Variants in AMOTL1 observed in about 807,000 individuals in gnomAD.
AMOTL1 encodes the protein angiomotin like 1, also known as angiomotin-like protein 1.
A neutral mutation model predicts 102.9 loss-of-function variants in AMOTL1; 45 were observed. The ratio of observed to expected loss-of-function variants is 0.44; its 90% CI spans 0.34 to 0.56. The LOEUF is 0.56. Among genes scored for constraint, AMOTL1 ranks in the 20% least tolerant of loss-of-function variants. The pLI, the probability that AMOTL1 is intolerant of heterozygous loss-of-function variation, is 0.01. For missense variants in AMOTL1, 1,114 were observed against 1,225.6 expected, an observed-to-expected ratio of 0.91 and a Z score of 1.36; for synonymous variants, 481 against 484.7, an observed-to-expected ratio of 0.99 and a Z score of 0.10.
In AMOTL1 at chr11:94,782,091, G is replaced by GA. The variant is rs552987068; in HGVS notation, c.50-12914dup. On this transcript the variant is annotated intron_variant, in intron 1 of 12. Transcript: ENST00000433060. ...ACATGAAGTGCTTCCGCTGCAAACT[G>GA]AAAAAACCCCTTGTGTGATGGAATT... Among the ~76,000 whole-genome samples the GA allele has an allele frequency of 4.1e-3, 626 of 152,224 alleles. 13 individuals carry two copies. The highest frequency in any genetic ancestry group is 0.034 in the South Asian group (164 of 4,808).
At chr11:94,863,662 TACA>T (rs1952818724) in intron 9 of AMOTL1, among the ~76,000 whole-genome samples, 1 of 152,256 alleles carries the variant, frequency 6.6e-6, no homozygotes, top group South Asian at 2.1e-4. Context: ...AATACTTGGC[TACA>T]TCATGTCTTA....
intron 3 of AMOTL1, among the ~76,000 whole-genome samples, chr11:94,742,646 A>G (rs1210392163): frequency 6.6e-6 from 1 of 152,218 alleles, no homozygotes; most frequent in Non-Finnish European, 1.5e-5. Flanking sequence ...CCCTATGGTA[A>G]AAGCCCAGTT....
chr11:94,817,237 A>C (rs1430261708), intron 3 of AMOTL1, among the ~76,000 whole-genome samples: 2 of 151,916 alleles, frequency 1.3e-5, no homozygotes, highest in African/African-American at 4.8e-5. Flanking sequence ...GAAATCGTTG[A>C]GTTATCATTT....
intron 8 of AMOTL1, among the ~76,000 whole-genome samples, chr11:94,854,631 A>C (rs953563547): frequency 2.0e-5 from 3 of 152,260 alleles, no homozygotes; most frequent in Non-Finnish European, 2.9e-5. Context: ...GAGAAACATG[A>C]TGCAAGAGAT....
rs144523320 is a variant in AMOTL1 at position 94,710,475 on chromosome 11, G to A, written c.-51+3878G>A. ...ATAGTAATGCCATCTCACAAGGTTC[G>A]TGTGGCGATTATATTTGTAGATGAT... On this transcript the variant is annotated intron_variant, in intron 1 of 4. Coordinates refer to the AMOTL1 transcript ENST00000299004. Among the ~76,000 whole-genome samples the A allele has an allele frequency of 1.1e-3, 164 of 152,272 alleles. 1 individual carries two copies. Among genetic ancestry groups the A allele is most frequent in the African/African-American group, 3.5e-3 (145 of 41,562 alleles).
intron 9 of AMOTL1, among the ~76,000 whole-genome samples, 182 bp from the exon 10 acceptor site, chr11:94,864,553 C>T (rs1952839025): frequency 6.6e-6 from 1 of 152,110 alleles, no homozygotes; most frequent in Non-Finnish European, 1.5e-5. Flanking sequence ...TCTGTATGGG[C>T]ATCAGATGAG....
chr11:94,726,317 T>A (rs1310113592), intron 1 of AMOTL1, among the ~76,000 whole-genome samples: 4 of 152,188 alleles, frequency 2.6e-5, no homozygotes, highest in Non-Finnish European at 5.9e-5. Context: ...CTTTATGAGA[T>A]CTAATACCTA....
chr11:94,841,312 C>T (rs1178143907), intron 6 of AMOTL1, among the ~76,000 whole-genome samples: 3 of 152,136 alleles, frequency 2.0e-5, no homozygotes, highest in African/African-American at 7.2e-5. Context: ...ATTAGCTGGG[C>T]GTGGTGGCAC....
intron 3 of AMOTL1, among the ~76,000 whole-genome samples, chr11:94,801,097 G>A (rs990112340): frequency 1.3e-5 from 2 of 152,186 alleles, no homozygotes; most frequent in African/African-American, 2.4e-5. Flanking sequence ...AATGGGCCGA[G>A]GATGCTAGGG....
intron 3 of AMOTL1, among the ~76,000 whole-genome samples, chr11:94,806,106 C>T (rs117630864): frequency 1.3e-5 from 2 of 152,122 alleles, no homozygotes; most frequent in Non-Finnish European, 2.9e-5. Flanking sequence ...GGGTACATGC[C>T]CACTGACAGT....
intron 1 of AMOTL1, among the ~76,000 whole-genome samples, chr11:94,720,269 C>A (rs1950155546): frequency 6.6e-6 from 1 of 151,948 alleles, no homozygotes; most frequent in South Asian, 2.1e-4. Context: ...CACTTAGGCT[C>A]CCTCAGCATA....
At chr11:94,727,504 A>T (rs1410098262) in intron 1 of AMOTL1, among the ~76,000 whole-genome samples, 1 of 152,142 alleles carries the variant, frequency 6.6e-6, no homozygotes, top group Non-Finnish European at 1.5e-5. Context: ...CGGATAAATA[A>T]TGCAGCTTCC....
chr11:94,791,825 C>T (rs145867131), intron 1 of AMOTL1, among the ~76,000 whole-genome samples: 101 of 152,320 alleles, frequency 6.6e-4, no homozygotes, highest in African/African-American at 2.1e-3. Context: ...TTGACCTTGT[C>T]GCTTAGATCA....
chr11:94,829,221 CTT>C (rs1275329051), intron 4 of AMOTL1, among the ~76,000 whole-genome samples: 21 of 135,876 alleles, frequency 1.5e-4, no homozygotes, highest in African/African-American at 1.3e-4. Flanking sequence ...TCCATTAATC[CTT>C]TTTTTTTTTT....
At chr11:94,707,242 CTCTCTCTCTGTGTG>C (rs1949944859) in intron 1 of AMOTL1, among the ~76,000 whole-genome samples, 3 of 50,592 alleles carry the variant, frequency 5.9e-5, no homozygotes, top group South Asian at 6.6e-4. Context: ...CTCTCTCTCT[CTCTCTCTCTGTGTG>C]TGTGTGTGTG....
At chr11:94,814,292 G>T (rs1565364048) in intron 3 of AMOTL1, among the ~76,000 whole-genome samples, 1 of 152,178 alleles carries the variant, frequency 6.6e-6, no homozygotes, top group Non-Finnish European at 1.5e-5. Flanking sequence ...CAAGCTTAAG[G>T]GACAGGAAAG....
chr11:94,862,386 A>G (rs473955), intron 9 of AMOTL1, among the ~76,000 whole-genome samples: 5,820 of 152,282 alleles, frequency 0.038, 361 homozygotes, highest in African/African-American at 0.13. Context: ...GCCACAGTCA[A>G]ATTGGTAAAA....
Position 94,768,423 on chromosome 11 carries a change from G to T in AMOTL1, c.-89G>T. On this transcript the variant is annotated 5_prime_UTR_variant, in exon 1 of 13. Transcript: ENST00000433060. ...TGGGGCTGGAGGTGAAGCCCTGTGT[G>T]AATGGGGTTGATTGTCCGGCGCCAC... 1 of 1,540,846 alleles carries T rather than the reference G, an allele frequency of 6.5e-7. No homozygotes were observed.
intron 3 of AMOTL1, among the ~76,000 whole-genome samples, chr11:94,759,622 T>G (rs185533151): frequency 6.6e-6 from 1 of 150,864 alleles, no homozygotes; most frequent in African/African-American, 2.4e-5. Flanking sequence ...GACTTGAATC[T>G]TGAATCTTGG....
Sources: allele counts gnomAD v4.1 joint callset (sites outside exome capture counted in the v4.1 genomes callset), GRCh38; gene constraint gnomAD v4.1.1; transcripts MANE v1.5; gene names NCBI Gene and HGNC (gene_info 2026-07-23, HGNC 2026-07-21).